Variants in TBC1D10A observed in about 807,000 individuals in gnomAD.
TBC1D10A encodes the protein EBP50-PDX interactor of 64 kDa.
In TBC1D10A, 24 loss-of-function variants were observed where a neutral mutation model predicts 52.9. That is an observed-to-expected ratio of 0.45 (90% CI 0.33 to 0.64). The LOEUF (loss-of-function observed/expected upper bound fraction) is 0.64. Among genes scored for constraint, TBC1D10A ranks in the 30% least tolerant of loss-of-function variants. The pLI, the probability that TBC1D10A is intolerant of heterozygous loss-of-function variation, is 0.02. For missense variants in TBC1D10A, 602 were observed against 687.9 expected (o/e 0.88, Z 1.40); for synonymous variants, 278 against 282.9 (o/e 0.98, Z 0.17).
intron 1 of TBC1D10A, among the ~76,000 whole-genome samples, chr22:30,310,805 C>G (rs922188779): frequency 1.3e-5 from 2 of 152,164 alleles, no homozygotes; most frequent in Non-Finnish European, 2.9e-5. Flanking sequence ...GCCACCTGAG[C>G]ACTAAACTAT....
Position 30,326,823 on chromosome 22 carries a change from G to T in TBC1D10A, c.59C>A (p.Ser20Ter). ...CTGGGCCAGGCTCTCCCGGGTTCCC[G>T]ACAGGCTTTCCCCGGCCGCGGGCGC... ...PRAPAAGESL[S>*]GTRESLAQGP... The change falls in exon 1 of 9, where the codon TCG becomes TAG. Residue 20 changes from serine (S) to a stop codon, truncating the protein, a stop_gained. Coordinates refer to ENST00000215790, the MANE Select transcript of TBC1D10A (RefSeq NM_031937.3). LOFTEE classifies it high-confidence loss of function. 6.8e-7 allele frequency: 1 copy of T among 1,475,958 alleles called. No homozygotes were observed. The highest frequency in any genetic ancestry group is 8.9e-7 in the Non-Finnish European group (1 of 1,117,446). The allele number at this position is 1,475,958 out of a possible 1,614,324, so 91.4% of individuals were successfully genotyped here.
chr22:30,325,607 G>T (rs770699606), intron 1 of TBC1D10A, among the ~76,000 whole-genome samples: 3 of 152,040 alleles, frequency 2.0e-5, no homozygotes, highest in Non-Finnish European at 2.9e-5. Context: ...TTTCCTAAGG[G>T]GACCGCCAGC....
chr22:30,313,604 T>C (rs1210806243), intron 1 of TBC1D10A, among the ~76,000 whole-genome samples: 1 of 144,922 alleles, frequency 6.9e-6, no homozygotes, highest in Non-Finnish European at 1.5e-5. Context: ...GGTTTCACCA[T>C]GTTGGCCAGG....
intron 3 of TBC1D10A, chr22:30,296,486 G>C (rs1175350199): frequency 6.6e-6 from 1 of 152,330 alleles, no homozygotes; most frequent in Non-Finnish European, 1.5e-5. Flanking sequence ...AGGAAGCCAG[G>C]TGTGTGTGAG....
intron 1 of TBC1D10A, among the ~76,000 whole-genome samples, chr22:30,315,490 T>A (rs1475117118): frequency 6.6e-6 from 1 of 152,218 alleles, no homozygotes. Context: ...CTTGAACTCC[T>A]GGACTGAAGT....
chr22:30,319,427 T>C (rs1278972808), intron 1 of TBC1D10A, among the ~76,000 whole-genome samples: 1 of 152,218 alleles, frequency 6.6e-6, no homozygotes, highest in African/African-American at 2.4e-5. Context: ...TCAATAAATG[T>C]GTGGTAAATA....
Position 30,294,131 on chromosome 22 carries a change from C to T in TBC1D10A, c.706-21G>A, listed in dbSNP as rs367608149. 77 of 1,609,894 alleles carry T rather than the reference C, an allele frequency of 4.8e-5. No individual in the cohort carries two copies. The African/African-American group carries it at 5.3e-4, about 11-fold the overall frequency. On this transcript the variant is annotated intron_variant, in intron 6 of 8. Transcript: ENST00000215790. ...GCCTCCTAGGGAGACATCGAGGCCA[C>T]GGGACCATGACCGTGGGCTGCAGGA... is the stretch of plus-strand genomic sequence containing the variant.
intron 1 of TBC1D10A, among the ~76,000 whole-genome samples, chr22:30,315,528 A>C (rs1367066226): frequency 6.6e-6 from 1 of 152,118 alleles, no homozygotes; most frequent in Non-Finnish European, 1.5e-5. Context: ...CTCCCAGAGT[A>C]CTGGGATTAT....
chr22:30,306,607 C>G (rs979980215), intron 1 of TBC1D10A, among the ~76,000 whole-genome samples: 18 of 152,228 alleles, frequency 1.2e-4, no homozygotes, highest in African/African-American at 4.3e-4. Context: ...TTGGCAAGAT[C>G]TTCTCAGAAA....
At chr22:30,323,823 C>T (rs538012373) in intron 1 of TBC1D10A, among the ~76,000 whole-genome samples, 3 of 152,236 alleles carry the variant, frequency 2.0e-5, no homozygotes, top group Admixed American at 1.3e-4. Context: ...AAAAATTAGC[C>T]AGGTGTGGTG....
In TBC1D10A at chr22:30,299,563, A is replaced by G. The variant is rs762564375; in HGVS notation, c.310-12T>C. On this transcript the variant is annotated splice_polypyrimidine_tract_variant and intron_variant, in intron 2 of 8. Coordinates refer to ENST00000215790, the MANE Select transcript of TBC1D10A (RefSeq NM_031937.3). ...CACCGCAGACGAATCTGAAAATCAA[A>G]AGGACAGCTGAGCCCATGCAGCCAC... The G allele has an allele frequency of 2.5e-6, 4 of 1,613,510 alleles. No individual in the cohort carries two copies. In the African/African-American group the frequency reaches 5.3e-5, roughly 22 times the overall value.
chr22:30,294,175 CCCCAGCACCCAGCA>C (rs567567879), intron 6 of TBC1D10A, 65 bp from the exon 7 acceptor site: 106 of 1,567,404 alleles, frequency 6.8e-5, no homozygotes, highest in Non-Finnish European at 8.6e-5. Context: ...AGAGACTACA[CCCCAGCACCCAGCA>C]CCCAGCACCC....
At chr22:30,304,711 C>A in intron 1 of TBC1D10A, 81 bp from the exon 2 acceptor site, 1 of 1,555,296 alleles carries the variant, frequency 6.4e-7, no homozygotes, top group South Asian at 1.2e-5. Flanking sequence ...CCAGCCTGGT[C>A]AGACCTCCAT....
At chr22:30,325,937 C>T (rs532207962) in intron 1 of TBC1D10A, among the ~76,000 whole-genome samples, 5 of 152,214 alleles carry the variant, frequency 3.3e-5, no homozygotes, top group African/African-American at 1.2e-4. Context: ...TCCCTGTCGC[C>T]CTGTACGTGC....
chr22:30,326,737 C>T lies in TBC1D10A; in HGVS notation c.145G>A (p.Gly49Ser). The change falls in exon 1 of 9, where the codon GGC (glycine) becomes AGC (serine). Residue 49 changes from glycine (G) to serine (S), a missense_variant. Around this residue, in one of 3 missense-constraint regions of TBC1D10A, gnomAD observed 201 missense variants for 204.4 expected, o/e 0.98. Transcript: ENST00000215790. ...SSLGSDSEAN[G>S]FAERRIDKFG... is the part of the protein sequence containing the mutation. ...TTGTCGATGCGGCGCTCGGCGAAGC[C>T]GTTGGCCTCCGAGTCAGACCCGAGA... is the stretch of plus-strand genomic sequence containing the variant. 1.3e-6 allele frequency: 2 copies of T among 1,542,598 alleles called. No homozygotes were observed. Among genetic ancestry groups the T allele is most frequent in the Non-Finnish European group, 1.7e-6 (2 of 1,143,214 alleles).
At chr22:30,319,432 T>C (rs1752186158) in intron 1 of TBC1D10A, among the ~76,000 whole-genome samples, 1 of 152,210 alleles carries the variant, frequency 6.6e-6, no homozygotes, top group Non-Finnish European at 1.5e-5. Context: ...AAATGTGTGG[T>C]AAATAAGCTC....
In TBC1D10A at chr22:30,326,413, T is replaced by C. The variant is rs1201328336; in HGVS notation, c.209+260A>G. Reference sequence around the variant, plus strand: ...GAAGGAGGGCACAGTCGGTCCTTCCTGGGAGCGGGTCAGTCTGTCCGGAGG... The same window carrying C: ...GAAGGAGGGCACAGTCGGTCCTTCCCGGGAGCGGGTCAGTCTGTCCGGAGG... On this transcript the variant is annotated intron_variant, in intron 1 of 8. Coordinates refer to ENST00000215790, the MANE Select transcript of TBC1D10A (RefSeq NM_031937.3). Among the ~76,000 whole-genome samples, 5 of 149,936 alleles carry C rather than the reference T, an allele frequency of 3.3e-5. No homozygotes were observed. The South Asian group carries it at 8.5e-4, about 26-fold the overall frequency.
In TBC1D10A at chr22:30,302,410, A is replaced by G. The variant is rs1399660009; in HGVS notation, c.309+2121T>C. Among the ~76,000 whole-genome samples, 3 of 152,188 alleles carry G rather than the reference A, an allele frequency of 2.0e-5. No homozygotes were observed. The East Asian group carries it at 5.8e-4, about 29-fold the overall frequency. On this transcript the variant is annotated intron_variant, in intron 2 of 8. Transcript: ENST00000215790. ...GCAGGACCAGAATTCTGTCCTAGACATGGCTGGGAGTCTCCGGAAAGGAAG... is the reference window on the plus strand; with the variant it reads ...GCAGGACCAGAATTCTGTCCTAGACGTGGCTGGGAGTCTCCGGAAAGGAAG...
In TBC1D10A at chr22:30,295,724, C is replaced by T. The variant is rs778753942; in HGVS notation, c.524+13G>A. 6.2e-7 allele frequency: 1 copy of T among 1,613,676 alleles called. No homozygotes were observed. Among genetic ancestry groups the T allele is most frequent in the Admixed American group, 1.7e-5 (1 of 59,988 alleles). ...AGAGCCACCTCCCACCTCATGAGGCCCAGCCTGCTCACCCGTGGCCCCCCC... is the reference window on the plus strand; with the variant it reads ...AGAGCCACCTCCCACCTCATGAGGCTCAGCCTGCTCACCCGTGGCCCCCCC... On this transcript the variant is annotated intron_variant, in intron 4 of 8. Coordinates refer to ENST00000215790, the MANE Select transcript of TBC1D10A (RefSeq NM_031937.3).
Sources: allele counts gnomAD v4.1 joint callset (sites outside exome capture counted in the v4.1 genomes callset), GRCh38; gene constraint gnomAD v4.1.1; regional missense constraint gnomAD v4.1.1; transcripts MANE v1.5; gene names NCBI Gene and HGNC (gene_info 2026-07-23, HGNC 2026-07-21).